KIF13B: variants seen among roughly 807,000 people sequenced by gnomAD.
The protein encoded by KIF13B is kinesin family member 13B, also known as kinesin-like protein KIF13B.
A neutral mutation model predicts 222.0 loss-of-function variants in KIF13B; 127 were observed. The ratio of observed to expected loss-of-function variants is 0.57; its 90% confidence interval spans 0.50 to 0.66. KIF13B has a LOEUF of 0.66. Among genes scored for constraint, KIF13B ranks in the 30% least tolerant of loss-of-function variants. The probability of loss-of-function intolerance (pLI) is 0.00; values close to 1 mark genes in which losing one functional copy is unlikely to be tolerated. For synonymous variants in KIF13B, 976 were observed against 919.0 expected (o/e 1.06, Z -1.12); for missense variants, 2,173 against 2,379.0 (o/e 0.91, Z 1.80).
At chr8:29,082,121 G>A (rs1412347377) in intron 37 of KIF13B, among the ~76,000 whole-genome samples, 6 of 152,300 alleles carry the variant, frequency 3.9e-5, no homozygotes, top group South Asian at 2.1e-4. Flanking sequence ...CACTGGGGGT[G>A]CAGTGTGAGC....
intron 6 of KIF13B, among the ~76,000 whole-genome samples, chr8:29,182,922 G>A (rs539589292): frequency 4.9e-4 from 75 of 151,854 alleles, no homozygotes; most frequent in African/African-American, 1.7e-3. Flanking sequence ...TGATGGATAT[G>A]TTAATTAGCT....
At chr8:29,150,223 C>T in intron 15 of KIF13B, 74 bp downstream of exon 15, 1 of 809,908 alleles carries the variant, frequency 1.2e-6, no homozygotes, top group Non-Finnish European at 2.0e-6. Flanking sequence ...GAAAGGTTTA[C>T]TTTTTAACAT....
intron 31 of KIF13B, among the ~76,000 whole-genome samples, chr8:29,114,069 T>C (rs773042093): frequency 6.6e-6 from 1 of 152,186 alleles, no homozygotes; most frequent in African/African-American, 2.4e-5. Context: ...ACTGCGCTCT[T>C]TGCACAGTTA....
intron 6 of KIF13B, among the ~76,000 whole-genome samples, chr8:29,182,472 A>G (rs1413983437): frequency 6.6e-6 from 1 of 152,246 alleles, no homozygotes; most frequent in African/African-American, 2.4e-5. Context: ...ACCATTGGAA[A>G]AAAGAGCCAT....
At chr8:29,079,214 G>A (rs866428221) in intron 37 of KIF13B, among the ~76,000 whole-genome samples, 6 of 152,028 alleles carry the variant, frequency 3.9e-5, no homozygotes, top group African/African-American at 1.5e-4. Context: ...CCTTCCTCAC[G>A]CCACTCCGCC....
chr8:29,117,629 T>C (rs1809664307), intron 30 of KIF13B, among the ~76,000 whole-genome samples: 1 of 152,170 alleles, frequency 6.6e-6, no homozygotes, highest in Non-Finnish European at 1.5e-5. Flanking sequence ...GCATAGCCGC[T>C]GGGTGTGTCG....
At chr8:29,097,352 A>C (rs1808580046) in intron 36 of KIF13B, among the ~76,000 whole-genome samples, 1 of 152,218 alleles carries the variant, frequency 6.6e-6, no homozygotes, top group South Asian at 2.1e-4. Context: ...AATGAAGTAA[A>C]AACTGGTATA....
intron 2 of KIF13B, among the ~76,000 whole-genome samples, chr8:29,203,758 G>A (rs1013858885): frequency 9.2e-5 from 14 of 152,018 alleles, no homozygotes; most frequent in African/African-American, 3.4e-4. Flanking sequence ...GCCGGGCATT[G>A]TGGTGCATGC....
rs368868165 is a variant in KIF13B, at chr8:29,188,391, T to G, written c.316+124A>C. ...AATGTTACTGACTACTTTCAACATC[T>G]ACAGTACTTTCTGAAAGCAAAAACA... is the stretch of plus-strand genomic sequence containing the variant. On this transcript the variant is annotated intron_variant, in intron 5 of 39. Transcript: ENST00000524189. 2.3e-4 allele frequency: 137 copies of G among 588,102 alleles called. No individual in the cohort carries two copies. In the African/African-American group the frequency reaches 2.4e-3, roughly 10 times the overall value. 36.4% of individuals were successfully genotyped at this position (588,102 alleles called of 1,614,324 possible).
At chr8:29,237,931 C>T (rs965512522) in intron 2 of KIF13B, among the ~76,000 whole-genome samples, 3 of 152,300 alleles carry the variant, frequency 2.0e-5, no homozygotes, top group South Asian at 2.1e-4. Context: ...CACAGAACCA[C>T]GCTCTCCCCA....
chr8:29,080,193 C>T (rs898866423), intron 37 of KIF13B, among the ~76,000 whole-genome samples: 1 of 151,942 alleles, frequency 6.6e-6, no homozygotes, highest in Admixed American at 6.6e-5. Context: ...ATTAAATTAG[C>T]TGGGCGTGGT....
chr8:29,106,924 G>A (rs556707032), intron 35 of KIF13B, among the ~76,000 whole-genome samples: 83 of 152,136 alleles, frequency 5.5e-4, no homozygotes, highest in Non-Finnish European at 1.0e-3. Context: ...ATCAACATGG[G>A]GCATGCTGCA....
chr8:29,211,751 A>T (rs1017572085), intron 2 of KIF13B, among the ~76,000 whole-genome samples: 39 of 152,166 alleles, frequency 2.6e-4, no homozygotes, highest in Non-Finnish European at 4.4e-5. Context: ...CAGAGGAAAG[A>T]TCTCCTTAAA....
At chr8:29,174,731 A>G (rs1812405425) in intron 10 of KIF13B, among the ~76,000 whole-genome samples, 1 of 152,232 alleles carries the variant, frequency 6.6e-6, no homozygotes, top group African/African-American at 2.4e-5. Context: ...TGGACCTGAT[A>G]TTCTACTGTG....
intron 38 of KIF13B, among the ~76,000 whole-genome samples, chr8:29,072,781 C>A (rs1807360732): frequency 6.6e-6 from 1 of 152,138 alleles, no homozygotes; most frequent in Non-Finnish European, 1.5e-5. Flanking sequence ...CTACAAAGAC[C>A]AAGGCCCCTC....
intron 31 of KIF13B, 110 bp downstream of exon 31, chr8:29,116,721 C>G: frequency 1.0e-6 from 1 of 986,722 alleles, no homozygotes; most frequent in Non-Finnish European, 1.5e-6. Context: ...AAAAGAAAAG[C>G]TCAGTGCTTC....
chr8:29,246,158 T>C (rs1358425083), intron 1 of KIF13B, among the ~76,000 whole-genome samples: 1 of 152,032 alleles, frequency 6.6e-6, no homozygotes, highest in Non-Finnish European at 1.5e-5. Flanking sequence ...GGCGGGTGGA[T>C]TACTTGAGGT....
Position 29,070,702 on chromosome 8 carries a change from C to T in KIF13B, c.5283G>A (p.Leu1761=). 1 of 1,561,684 alleles carries T rather than the reference C, an allele frequency of 6.4e-7. No homozygotes were observed. Among genetic ancestry groups the T allele is most frequent in the Non-Finnish European group, 8.7e-7 (1 of 1,153,524 alleles). ...YFRCNPGYGL[L]VRPSRVRRAT... is the part of the protein sequence containing the mutation. ...CCCTGCGGACCCGGCTGGGCCTGAC[C>T]AGCAGCCCGTAGCCAGGGTTACACC... is the stretch of plus-strand genomic sequence containing the variant. Residue 1761 remains leucine, a synonymous_variant, in exon 40 of 40, where the codon CTG becomes CTA. Transcript: ENST00000524189. This position sits in a 1 kb window ranked among gnomAD's most constrained non-coding sequence, Gnocchi z 4.1.
intron 10 of KIF13B, among the ~76,000 whole-genome samples, chr8:29,175,428 G>A (rs938657132): frequency 6.6e-6 from 1 of 152,174 alleles, no homozygotes; most frequent in Non-Finnish European, 1.5e-5. Flanking sequence ...AGCGCCCTCT[G>A]TTTTCCTCTG....
Sources: gnomAD v4.1 joint callset for allele counts (sites outside exome capture counted in the v4.1 genomes callset) on GRCh38, gnomAD v4.1.1 for gene constraint, Gnocchi (gnomAD v3.1) non-coding constraint, MANE v1.5 for transcripts, NCBI Gene and HGNC (gene_info 2026-07-23, HGNC 2026-07-21) for gene names.